KIAA0586: variants seen among roughly 807,000 people sequenced by gnomAD.
KIAA0586 encodes protein TALPID3.
KIAA0586 carries 144 observed loss-of-function variants against 169.8 expected under a neutral mutation model. The observed-to-expected ratio is 0.85, with a 90% CI of 0.74 to 0.97. The LOEUF (loss-of-function observed/expected upper bound fraction) is 0.97, where lower values mean the gene tolerates loss of function less well. KIAA0586 is among the 50% of genes least tolerant of loss of function. The pLI is 0.00. For missense variants in KIAA0586, 1,854 were observed against 1,823.0 expected (o/e 1.02, Z -0.31); for synonymous variants, 625 against 612.4 (o/e 1.02, Z -0.30).
chr14:58,464,884 A>G (rs1390997342), intron 14 of KIAA0586, among the ~76,000 whole-genome samples: 1 of 152,120 alleles, frequency 6.6e-6, no homozygotes, highest in Non-Finnish European at 1.5e-5. Context: ...ATGAGATTTT[A>G]TCGCGCTACT....
chr14:58,454,176 T>G (rs1025102565), intron 9 of KIAA0586, among the ~76,000 whole-genome samples: 6 of 152,208 alleles, frequency 3.9e-5, no homozygotes, highest in African/African-American at 1.4e-4. Context: ...TGTCATTTTC[T>G]CTACTATTAT....
intron 29 of KIAA0586, among the ~76,000 whole-genome samples, chr14:58,530,662 T>G (rs1484226647): frequency 6.6e-6 from 1 of 152,090 alleles, no homozygotes; most frequent in East Asian, 1.9e-4. Context: ...AAACTGGACC[T>G]CTTCCTTACA....
chr14:58,427,853 C>T lies in KIAA0586; in HGVS notation c.-412C>T, dbSNP rs895948990. 3 of 1,401,682 alleles carry T rather than the reference C, an allele frequency of 2.1e-6. No homozygotes were observed. The highest frequency in any genetic ancestry group is 2.8e-6 in the Non-Finnish European group (3 of 1,070,712). The allele number at this position is 1,401,682 out of a possible 1,614,324, so 86.8% of individuals were successfully genotyped here. A position where few individuals can be genotyped will look rare whatever the true frequency, so the allele number is the denominator to read the frequency against. ...GTGGCTGAAGAAAGCTATTACGCTT[C>T]TTATGTGGGTCATTATTTTAAAAAT... On this transcript the variant is annotated 5_prime_UTR_variant, in exon 1 of 31. Transcript: ENST00000652326.
At chr14:58,485,617 C>T (rs768109239) in intron 21 of KIAA0586, among the ~76,000 whole-genome samples, 25 of 152,140 alleles carry the variant, frequency 1.6e-4, no homozygotes, top group Non-Finnish European at 2.9e-4. Context: ...AGGAAGGGCT[C>T]TAGGTAGAAA....
At chr14:58,430,607 T>G in intron 2 of KIAA0586, 41 bp from the exon 3 acceptor site, 1 of 1,219,240 alleles carries the variant, frequency 8.2e-7, no homozygotes, top group East Asian at 2.3e-5. Flanking sequence ...TAATAAATCA[T>G]GAAGTTTATT....
At chr14:58,512,005 T>C (rs1388648089) in intron 28 of KIAA0586, among the ~76,000 whole-genome samples, 1 of 152,178 alleles carries the variant, frequency 6.6e-6, no homozygotes, top group Non-Finnish European at 1.5e-5. Context: ...TGATAGTGCT[T>C]ATGGTGGAGC....
At chr14:58,553,922 A>G (rs1347879028), downstream of KIAA0586, among the ~76,000 whole-genome samples, 1 of 152,192 alleles carries the variant, frequency 6.6e-6, no homozygotes, top group Non-Finnish European at 1.5e-5. Flanking sequence ...GGGCTCAACT[A>G]GGACAACTTT....
chr14:58,537,076 C>A, intron 29 of KIAA0586: 1 of 1,252,170 alleles, frequency 8.0e-7, no homozygotes, highest in Non-Finnish European at 1.0e-6. Context: ...TTGTGTTGAC[C>A]TAGTTGTAGG....
At chr14:58,477,378 TC>T (rs1762819086) in intron 20 of KIAA0586, 137 bp downstream of exon 20, 2 of 576,260 alleles carry the variant, frequency 3.5e-6, no homozygotes, top group Admixed American at 2.9e-5. Context: ...TCTTAGTACT[TC>T]TTTGGTGATG....
intron 17 of KIAA0586, among the ~76,000 whole-genome samples, chr14:58,471,141 A>T (rs948812677): frequency 1.3e-5 from 2 of 152,128 alleles, no homozygotes; most frequent in African/African-American, 4.8e-5. Flanking sequence ...GTGAGCCACC[A>T]CGCCAGCCCA....
rs375173927 is a variant in KIAA0586 at position 58,461,004 on chromosome 14, A to G, written c.1903A>G (p.Thr635Ala). 55 of 1,600,826 alleles carry G rather than the reference A, an allele frequency of 3.4e-5. No homozygotes were observed. The highest frequency in any genetic ancestry group is 1.7e-4 in the Middle Eastern group (1 of 6,000). The change falls in exon 14 of 31, where the codon ACA (threonine) becomes GCA (alanine). Residue 635 changes from threonine (T) to alanine (A), a missense_variant. By Grantham distance (58) the Thr-to-Ala change is moderately conservative. Transcript: ENST00000652326. ...ERKEGLLKAT[T>A]VIQDEDYMLQ... Reference sequence around the variant, plus strand: ...CACACAGGGGCTTTTGAAAGCAACCACAGTAATACAAGATGAAGATTATAT... The same window carrying G: ...CACACAGGGGCTTTTGAAAGCAACCGCAGTAATACAAGATGAAGATTATAT...
chr14:58,503,457 G>C (rs2043717789), intron 27 of KIAA0586, among the ~76,000 whole-genome samples: 2 of 152,124 alleles, frequency 1.3e-5, no homozygotes, highest in South Asian at 4.1e-4. Context: ...GAATATTCCA[G>C]TTTGTTCATT....
chr14:58,560,176 A>G, the KIAA0586 span, among the ~76,000 whole-genome samples: 1 of 150,970 alleles, frequency 6.6e-6, no homozygotes, highest in Non-Finnish European at 1.5e-5. Flanking sequence ...AAAGATGCAC[A>G]GGCCCCACTC....
chr14:58,469,028 T>G (rs777995628), intron 16 of KIAA0586, among the ~76,000 whole-genome samples: 20 of 152,104 alleles, frequency 1.3e-4, no homozygotes, highest in Non-Finnish European at 2.6e-4. Context: ...CAACAGGCTC[T>G]TAGTACTGAT....
chr14:58,491,048 A>G (rs567687075), intron 25 of KIAA0586, among the ~76,000 whole-genome samples: 14 of 152,294 alleles, frequency 9.2e-5, no homozygotes, highest in African/African-American at 3.1e-4. Flanking sequence ...GAGCATAGCA[A>G]TCACTTTTAT....
intron 14 of KIAA0586, among the ~76,000 whole-genome samples, chr14:58,461,443 AT>A (rs982305187): frequency 2.0e-5 from 3 of 149,330 alleles, no homozygotes; most frequent in Non-Finnish European, 3.0e-5. Flanking sequence ...TTTTTTTTTA[AT>A]TTTTTTTTTA....
In KIAA0586 at chr14:58,487,095, CT is replaced by C. The variant is rs767693110; in HGVS notation, c.3234del (p.Pro1079GlnfsTer16). ...SPAKECVLVK[T>X]PDSSPCDSDH... ...GCTAAGGAGTGTGTTTTGGTAAAGA[CT>C]CCAGATTCTTCTCCCTGTGATTCGG... On this transcript the variant is annotated frameshift_variant, in exon 22 of 31. Transcript: ENST00000652326. LOFTEE classifies it high-confidence loss of function. 1.9e-6 allele frequency: 3 copies of C among 1,613,646 alleles called. No individual in the cohort carries two copies. Among genetic ancestry groups the C allele is most frequent in the Non-Finnish European group, 2.5e-6 (3 of 1,179,610 alleles).
chr14:58,493,855 C>T (rs932653054), intron 26 of KIAA0586, among the ~76,000 whole-genome samples: 3 of 151,442 alleles, frequency 2.0e-5, no homozygotes, highest in South Asian at 4.2e-4. Context: ...AGAGAGAAAG[C>T]GCATGTGCGG....
intron 30 of KIAA0586, among the ~76,000 whole-genome samples, chr14:58,541,515 A>G (rs561462592): frequency 1.2e-3 from 180 of 152,370 alleles, no homozygotes; most frequent in African/African-American, 4.2e-3. Flanking sequence ...TGCTGCAATC[A>G]GAATAAGACA....
Sources: allele counts gnomAD v4.1 joint callset (sites outside exome capture counted in the v4.1 genomes callset), GRCh38; gene constraint gnomAD v4.1.1; transcripts MANE v1.5; gene names NCBI Gene and HGNC (gene_info 2026-07-23, HGNC 2026-07-21).